The following ASAP2 variants were observed in gnomAD, a reference collection of about 807,000 sequenced individuals.
ASAP2 encodes the protein ArfGAP with SH3 domain, ankyrin repeat and PH domain 2, also known as arf-GAP with SH3 domain, ANK repeat and PH domain-containing protein 2.
A neutral mutation model predicts 131.4 loss-of-function variants in ASAP2; 45 were observed. The ratio of observed to expected loss-of-function variants is 0.34; its 90% CI spans 0.27 to 0.44. ASAP2 has a LOEUF of 0.44. Ranked by LOEUF, ASAP2 falls within the 20% of genes least tolerant of loss-of-function variation. The pLI, the probability that ASAP2 is intolerant of heterozygous loss-of-function variation, is 1.00. For missense variants in ASAP2, 1,011 were observed against 1,297.0 expected, an observed-to-expected ratio of 0.78 and a Z score of 3.39; for synonymous variants, 510 against 503.0, an observed-to-expected ratio of 1.01 and a Z score of -0.19.
At chr2:9,273,253 G>C (rs1289559729) in intron 1 of ASAP2, among the ~76,000 whole-genome samples, 1 of 152,114 alleles carries the variant, frequency 6.6e-6, no homozygotes, top group Non-Finnish European at 1.5e-5. Flanking sequence ...TCGCTGTAGA[G>C]ATCCTGTACT....
At position 9,403,372 on chromosome 2, in the gene ASAP2, T is replaced by A; in HGVS notation, c.*45T>A. 6.3e-7 allele frequency: 1 copy of A among 1,582,100 alleles called. No homozygotes were observed. Among genetic ancestry groups the A allele is most frequent in the Non-Finnish European group, 8.7e-7 (1 of 1,152,116 alleles). ...ATTAACAGTTATGTTCCTGTTTCGTTATTGGTACCAAAACTCTTGCCAGAT... is the reference window on the plus strand; with the variant it reads ...ATTAACAGTTATGTTCCTGTTTCGTAATTGGTACCAAAACTCTTGCCAGAT... On this transcript the variant is annotated 3_prime_UTR_variant, in exon 28 of 28. Coordinates refer to ENST00000281419, the MANE Select transcript of ASAP2 (RefSeq NM_003887.3).
Position 9,365,494 on chromosome 2 carries a change from C to G in ASAP2, c.1462-2931C>G, listed in dbSNP as rs145471103. On this transcript the variant is annotated intron_variant, in intron 15 of 27. Transcript: ENST00000281419. ...AGGACAGGAGGTTTCCCTGCCCCACCCCAAACTCTCAAAACAATGTCCAGA... is the reference window on the plus strand; with the variant it reads ...AGGACAGGAGGTTTCCCTGCCCCACGCCAAACTCTCAAAACAATGTCCAGA... Among the ~76,000 whole-genome samples, 476 of 152,316 alleles carry G rather than the reference C, an allele frequency of 3.1e-3. 2 individuals carry two copies. Among genetic ancestry groups the G allele is most frequent in the African/African-American group, 0.011 (444 of 41,570 alleles).
At chr2:9,335,003 GT>G in intron 8 of ASAP2, 89 bp from the exon 9 acceptor site, 2 of 1,416,522 alleles carry the variant, frequency 1.4e-6, no homozygotes, top group Non-Finnish European at 2.0e-6. Flanking sequence ...TTGTCGCATT[GT>G]GTGGAAATGG....
chr2:9,400,291 T>G (rs1463336490), intron 25 of ASAP2, among the ~76,000 whole-genome samples: 8 of 26,018 alleles, frequency 3.1e-4, no homozygotes, highest in Non-Finnish European at 5.1e-4. Flanking sequence ...CCTCCTTCCT[T>G]CCTTCCTCCC....
At chr2:9,348,913 C>G (rs757128102) in intron 11 of ASAP2, among the ~76,000 whole-genome samples, 8 of 152,124 alleles carry the variant, frequency 5.3e-5, no homozygotes, top group Non-Finnish European at 1.0e-4. Flanking sequence ...CATGGATACC[C>G]ACGTCGAGGA....
At chr2:9,374,721 TC>T (rs1399203906) in intron 16 of ASAP2, 33 bp from the exon 17 acceptor site, 1 of 1,558,270 alleles carries the variant, frequency 6.4e-7, no homozygotes, top group Admixed American at 1.9e-5. Flanking sequence ...TAGAAGCCCT[TC>T]ATGATTTGCA....
At chr2:9,398,399 T>C (rs952495063) in intron 24 of ASAP2, among the ~76,000 whole-genome samples, 5 of 152,076 alleles carry the variant, frequency 3.3e-5, no homozygotes, top group Non-Finnish European at 5.9e-5. Flanking sequence ...TAGTCCCAAC[T>C]ACTCAGGAGG....
At chr2:9,323,303 C>A in intron 6 of ASAP2, 53 bp downstream of exon 6, 1 of 1,606,078 alleles carries the variant, frequency 6.2e-7, no homozygotes, top group Non-Finnish European at 8.5e-7. Context: ...CGGCTCTGCC[C>A]TCACCTGTGG....
intron 1 of ASAP2, among the ~76,000 whole-genome samples, chr2:9,216,947 T>TA (rs1338801344): frequency 3.3e-5 from 5 of 152,280 alleles, no homozygotes; most frequent in Middle Eastern, 3.4e-3. Flanking sequence ...ATGTGCCAGA[T>TA]ATGCTTTAAA....
chr2:9,245,326 G>A (rs1664261413), intron 1 of ASAP2, among the ~76,000 whole-genome samples: 1 of 152,156 alleles, frequency 6.6e-6, no homozygotes, highest in South Asian at 2.1e-4. Context: ...AATGGGCTCT[G>A]GAGACACCTG....
chr2:9,317,313 CCACT>C (rs1226098401), intron 3 of ASAP2, among the ~76,000 whole-genome samples: 1 of 122,750 alleles, frequency 8.1e-6, no homozygotes, highest in Non-Finnish European at 1.7e-5. Context: ...CCCCCCACAT[CCACT>C]CACACAATCA....
intron 1 of ASAP2, among the ~76,000 whole-genome samples, chr2:9,222,626 G>C (rs1433160210): frequency 6.6e-6 from 1 of 152,168 alleles, no homozygotes; most frequent in Non-Finnish European, 1.5e-5. Flanking sequence ...ATAGGAATGA[G>C]GTGTGTTTAC....
intron 2 of ASAP2, among the ~76,000 whole-genome samples, chr2:9,294,946 CCTGCCT>C (rs1668062621): frequency 6.6e-6 from 1 of 152,170 alleles, no homozygotes; most frequent in South Asian, 2.1e-4. Context: ...GTGACAGATG[CCTGCCT>C]GTGGCCACCA....
chr2:9,267,335 G>A (rs1373272189), intron 1 of ASAP2, among the ~76,000 whole-genome samples: 2 of 152,022 alleles, frequency 1.3e-5, no homozygotes, highest in African/African-American at 4.8e-5. Context: ...TCTATTGTTT[G>A]TTTCTTTATG....
chr2:9,248,363 T>C (rs1369060460), intron 1 of ASAP2, among the ~76,000 whole-genome samples: 1 of 152,196 alleles, frequency 6.6e-6, no homozygotes, highest in East Asian at 1.9e-4. Flanking sequence ...CCCTTTGGTA[T>C]CTTGGTGTCA....
At chr2:9,253,432 A>G (rs11688469) in intron 1 of ASAP2, among the ~76,000 whole-genome samples, 96,174 of 151,970 alleles carry the variant, frequency 0.63, 32,508 homozygotes, top group African/African-American at 0.88. Context: ...CCAAAGTGCT[A>G]GGATTACAGG....
intron 4 of ASAP2, among the ~76,000 whole-genome samples, chr2:9,319,423 A>C (rs958573607): frequency 1.3e-5 from 2 of 152,174 alleles, no homozygotes; most frequent in South Asian, 4.1e-4. Flanking sequence ...AGCTGTTCAG[A>C]CACATTCCCC....
At chr2:9,296,055 C>T (rs1668131624) in intron 2 of ASAP2, among the ~76,000 whole-genome samples, 1 of 152,180 alleles carries the variant, frequency 6.6e-6, no homozygotes, top group African/African-American at 2.4e-5. Context: ...GAGGGGCTTT[C>T]AGGATCTGTC....
At chr2:9,213,954 A>G (rs1024312784) in intron 1 of ASAP2, among the ~76,000 whole-genome samples, 1 of 152,204 alleles carries the variant, frequency 6.6e-6, no homozygotes, top group South Asian at 2.1e-4. Context: ...ACTGGGGCCC[A>G]GGGAAAGAGA....
Sources: allele counts gnomAD v4.1 joint callset (sites outside exome capture counted in the v4.1 genomes callset), GRCh38; gene constraint gnomAD v4.1.1; transcripts MANE v1.5; gene names NCBI Gene and HGNC (gene_info 2026-07-23, HGNC 2026-07-21).